Variants in INTS9 observed in about 807,000 individuals in gnomAD.
INTS9 encodes the protein protein related to CPSF subunits of 74 kDa.
INTS9 carries 55 observed loss-of-function variants against 79.7 expected under a neutral mutation model. That is an observed-to-expected ratio of 0.69 (90% confidence interval 0.56 to 0.86). INTS9 has a LOEUF of 0.86. Ranked by LOEUF, INTS9 falls within the 40% of genes least tolerant of loss-of-function variation. The probability of loss-of-function intolerance (pLI) is 0.00; values close to 1 mark genes in which losing one functional copy is unlikely to be tolerated. For synonymous variants in INTS9, 319 were observed against 325.2 expected (o/e 0.98, Z 0.20); for missense variants, 721 against 831.5 (o/e 0.87, Z 1.64).
At chr8:28,818,570 ATTTT>A (rs1356234647) in intron 6 of INTS9, among the ~76,000 whole-genome samples, 1 of 151,648 alleles carries the variant, frequency 6.6e-6, no homozygotes, top group African/African-American at 2.4e-5. Context: ...TTTATTGAGG[ATTTT>A]TGCATCAATG....
At chr8:28,835,855 CT>C (rs1370246465) in intron 5 of INTS9, among the ~76,000 whole-genome samples, 1 of 151,850 alleles carries the variant, frequency 6.6e-6, no homozygotes, top group Non-Finnish European at 1.5e-5. Context: ...GTTGCCCAGG[CT>C]AGACTGCAAT....
intron 6 of INTS9, among the ~76,000 whole-genome samples, chr8:28,818,704 T>C (rs1309761789): frequency 6.6e-6 from 1 of 151,818 alleles, no homozygotes; most frequent in African/African-American, 2.4e-5. Flanking sequence ...TTTCTATTGA[T>C]TGGAATAGTT....
intron 14 of INTS9, among the ~76,000 whole-genome samples, chr8:28,775,386 G>A (rs189588043): frequency 1.1e-4 from 16 of 152,322 alleles, no homozygotes; most frequent in Admixed American, 4.6e-4. Flanking sequence ...GCCCAGGCTG[G>A]AGTGCAGTGG....
intron 6 of INTS9, among the ~76,000 whole-genome samples, chr8:28,826,267 T>C (rs566205208): frequency 5.9e-5 from 9 of 152,152 alleles, no homozygotes; most frequent in Admixed American, 4.6e-4. Flanking sequence ...CTGAGCATAG[T>C]GCCCAATATA....
At chr8:28,830,663 C>A (rs1053968102) in intron 6 of INTS9, among the ~76,000 whole-genome samples, 1 of 148,550 alleles carries the variant, frequency 6.7e-6, no homozygotes, top group South Asian at 2.1e-4. Context: ...TCTTCAAATT[C>A]TTCTACCACT....
In INTS9 at chr8:28,837,667, T is replaced by C; in HGVS notation, c.371A>G (p.Tyr124Cys). The C allele has an allele frequency of 6.2e-7, 1 of 1,613,646 alleles. No homozygotes were observed. Among genetic ancestry groups the C allele is most frequent in the Non-Finnish European group, 8.5e-7 (1 of 1,179,988 alleles). ...TEHTGFTGTV[Y>C]ATEPTVQIGR... The stretch of plus-strand genomic sequence containing the variant: ...GATCTGGACGGTGGGTTCCGTGGCA[T>C]ACACTGTGCCTGTGAAGCCGGTGTG... Residue 124 changes from tyrosine (Y) to cysteine (C), a missense_variant, in exon 5 of 17, where the codon TAT (tyrosine) becomes TGT (cysteine). Tyr to Cys is a radical substitution (Grantham distance 194). Around this residue, in one of 3 missense-constraint regions of INTS9, gnomAD observed 291 missense variants for 307.0 expected, o/e 0.95. Transcript: ENST00000521022.
Position 28,768,112 on chromosome 8 carries a change from G to A in INTS9, c.*34C>T. 2 of 1,608,434 alleles carry A rather than the reference G, an allele frequency of 1.2e-6. No homozygotes were observed. Among genetic ancestry groups the A allele is most frequent in the Non-Finnish European group, 1.7e-6 (2 of 1,175,844 alleles). ...TTGTGAGGGCAGCCAGTGAGGGACT[G>A]CAGGATTTCAGGGAAGTAGCTCAGA... On this transcript the variant is annotated 3_prime_UTR_variant, in exon 17 of 17. Coordinates refer to ENST00000521022, the MANE Select transcript of INTS9 (RefSeq NM_018250.4).
At chr8:28,864,988 A>AC in intron 1 of INTS9, among the ~76,000 whole-genome samples, 1 of 150,462 alleles carries the variant, frequency 6.6e-6, no homozygotes, top group Non-Finnish European at 1.5e-5. Flanking sequence ...ACCGTCTCAA[A>AC]AAAAAAAAAA....
rs540533175 is a variant in INTS9 at position 28,775,538 on chromosome 8, A to C, written c.1563+221T>G. The stretch of plus-strand genomic sequence containing the variant: ...TTTTTAGTAGAGATGGGGTTTTGCC[A>C]TATTGGCTGGGCTGGGTTGGCCAGG... On this transcript the variant is annotated intron_variant, in intron 14 of 16. Transcript: ENST00000521022. Among the ~76,000 whole-genome samples, 13 of 152,250 alleles carry C rather than the reference A, an allele frequency of 8.5e-5. No homozygotes were observed. In the South Asian group the frequency reaches 1.5e-3, roughly 17 times the overall value.
intron 2 of INTS9, among the ~76,000 whole-genome samples, chr8:28,855,717 T>G (rs544568980): frequency 1.3e-5 from 2 of 152,360 alleles, no homozygotes; most frequent in African/African-American, 2.4e-5. Context: ...GGTTACATAG[T>G]GAATTATGAC....
chr8:28,850,867 C>T (rs1807791578), intron 2 of INTS9, among the ~76,000 whole-genome samples: 1 of 152,152 alleles, frequency 6.6e-6, no homozygotes, highest in African/African-American at 2.4e-5. Context: ...CAAAATGACA[C>T]CATGTCTAAA....
chr8:28,856,910 C>T (rs1241364204), intron 2 of INTS9, among the ~76,000 whole-genome samples: 1 of 152,114 alleles, frequency 6.6e-6, no homozygotes, highest in Non-Finnish European at 1.5e-5. Context: ...TCTACTGTTG[C>T]CATCTTTATG....
At chr8:28,791,891 G>A (rs1037645951) in intron 10 of INTS9, among the ~76,000 whole-genome samples, 3 of 152,076 alleles carry the variant, frequency 2.0e-5, no homozygotes, top group African/African-American at 7.2e-5. Flanking sequence ...TCTCAGCATG[G>A]GAAAACTACT....
chr8:28,830,484 C>T (rs1341228103), intron 6 of INTS9, among the ~76,000 whole-genome samples: 1 of 151,858 alleles, frequency 6.6e-6, no homozygotes, highest in Admixed American at 6.6e-5. Flanking sequence ...AATTAGCGGG[C>T]ATGGTGGTGG....
chr8:28,888,617 G>A (rs1338958151), intron 1 of INTS9, among the ~76,000 whole-genome samples: 1 of 152,110 alleles, frequency 6.6e-6, no homozygotes, highest in Non-Finnish European at 1.5e-5. Context: ...GCTTCTGTAG[G>A]GCAACGGCTA....
chr8:28,844,462 C>T (rs1427933260), intron 4 of INTS9, among the ~76,000 whole-genome samples: 1 of 152,014 alleles, frequency 6.6e-6, no homozygotes, highest in Non-Finnish European at 1.5e-5. Context: ...ATGGCTTGAG[C>T]CAGGAAGGCG....
At chr8:28,863,414 T>G (rs1295578031) in intron 1 of INTS9, among the ~76,000 whole-genome samples, 1 of 152,044 alleles carries the variant, frequency 6.6e-6, no homozygotes, top group African/African-American at 2.4e-5. Flanking sequence ...CAACTACAAA[T>G]GGAAAAATAT....
At chr8:28,817,964 G>T (rs1326442737) in intron 6 of INTS9, among the ~76,000 whole-genome samples, 2 of 148,978 alleles carry the variant, frequency 1.3e-5, no homozygotes, top group Admixed American at 1.3e-4. Flanking sequence ...TCTGTTATTG[G>T]TGTATAAGAA....
In INTS9 at chr8:28,769,997, G is replaced by A. The variant is rs765193119; in HGVS notation, c.1692C>T (p.Ser564=). The A allele has an allele frequency of 5.8e-5, 93 of 1,614,000 alleles. No individual in the cohort carries two copies. The highest frequency in any genetic ancestry group is 1.3e-4 in the East Asian group (6 of 44,898). The change falls in exon 16 of 17, where the codon AGC becomes AGT. Residue 564 remains serine, a synonymous_variant. Transcript: ENST00000521022. ...QPPPRPAQPT[S]GKKRKRVSDD... Reference sequence around the variant, plus strand: ...CGCTCACCCGCTTTCTCTTCTTCCCGCTCGTGGGCTGGGCGGGCCGAGGAG... The same window carrying A: ...CGCTCACCCGCTTTCTCTTCTTCCCACTCGTGGGCTGGGCGGGCCGAGGAG...
Sources: gnomAD v4.1 joint callset for allele counts (sites outside exome capture counted in the v4.1 genomes callset) on GRCh38, gnomAD v4.1.1 for gene constraint, gnomAD v4.1.1 regional missense constraint, MANE v1.5 for transcripts, NCBI Gene and HGNC (gene_info 2026-07-23, HGNC 2026-07-21) for gene names.